The following DISC1 variants were observed in gnomAD, a reference collection of about 807,000 sequenced individuals.
DISC1 encodes disrupted in schizophrenia 1 protein.
In DISC1, 57 loss-of-function variants were observed where a neutral mutation model predicts 84.5. The ratio of observed to expected loss-of-function variants is 0.67; its 90% CI spans 0.55 to 0.84. DISC1 has a LOEUF of 0.84. Ranked by LOEUF, DISC1 falls within the 40% of genes least tolerant of loss-of-function variation. The probability of loss-of-function intolerance (pLI) is 0.00; values close to 1 mark genes in which losing one functional copy is unlikely to be tolerated. For synonymous variants in DISC1, 411 were observed against 415.2 expected (o/e 0.99, Z 0.12); for missense variants, 1,000 against 1,057.8 (o/e 0.95, Z 0.76).
At chr1:231,722,427 C>G (rs753239660) in intron 3 of DISC1, 1 of 1,532,486 alleles carries the variant, frequency 6.5e-7, no homozygotes, top group Middle Eastern at 1.7e-4. Flanking sequence ...TATCCACACT[C>G]GAACAAGTGT....
intron 10 of DISC1, among the ~76,000 whole-genome samples, chr1:232,004,503 G>A (rs1367893290): frequency 2.0e-5 from 3 of 151,844 alleles, no homozygotes; most frequent in Admixed American, 2.0e-4. Context: ...TATTAAAATG[G>A]CAGAAGAATA....
At chr1:231,707,989 A>G (rs2067299639) in intron 3 of DISC1, among the ~76,000 whole-genome samples, 1 of 152,240 alleles carries the variant, frequency 6.6e-6, no homozygotes. Flanking sequence ...GTGTCATGTT[A>G]GTTGCATCAT....
intron 9 of DISC1, among the ~76,000 whole-genome samples, chr1:231,932,431 A>G (rs1572147541): frequency 6.6e-6 from 1 of 152,302 alleles, no homozygotes; most frequent in Admixed American, 6.5e-5. Context: ...TGGACCCTGT[A>G]TATTTAGTAT....
At chr1:231,648,565 G>T (rs2060335766) in intron 1 of DISC1, among the ~76,000 whole-genome samples, 1 of 152,156 alleles carries the variant, frequency 6.6e-6, no homozygotes, top group Non-Finnish European at 1.5e-5. Context: ...GATGATGCTG[G>T]CCTCATAAAA....
chr1:231,878,231 G>C (rs976139803), intron 9 of DISC1, among the ~76,000 whole-genome samples: 1 of 152,150 alleles, frequency 6.6e-6, no homozygotes, highest in Non-Finnish European at 1.5e-5. Flanking sequence ...TTAAAACAAA[G>C]ACACAGACAG....
intron 9 of DISC1, among the ~76,000 whole-genome samples, chr1:231,870,755 T>A (rs1485798454): frequency 6.6e-6 from 1 of 152,264 alleles, no homozygotes; most frequent in Non-Finnish European, 1.5e-5. Context: ...ACTCTGTTTT[T>A]AGAGATTAGC....
intron 4 of DISC1, among the ~76,000 whole-genome samples, chr1:231,753,065 C>T (rs969370545): frequency 6.6e-6 from 1 of 152,238 alleles, no homozygotes; most frequent in Non-Finnish European, 1.5e-5. Context: ...TGCAGCTTTT[C>T]CATGCTGAGG....
intron 1 of DISC1, among the ~76,000 whole-genome samples, chr1:231,664,031 C>CGTCT (rs1302518578): frequency 4.7e-5 from 6 of 127,054 alleles, no homozygotes; most frequent in Non-Finnish European, 8.3e-5. Flanking sequence ...TCTATCTATC[C>CGTCT]ATCTATCTAT....
At chr1:231,895,628 T>TA (rs2126014599) in intron 9 of DISC1, among the ~76,000 whole-genome samples, 1 of 152,040 alleles carries the variant, frequency 6.6e-6, no homozygotes, top group East Asian at 1.9e-4. Context: ...TGCTAGATTT[T>TA]TTTTTTTACT....
At chr1:231,752,062 G>C (rs1038665023) in intron 4 of DISC1, among the ~76,000 whole-genome samples, 7 of 152,182 alleles carry the variant, frequency 4.6e-5, no homozygotes, top group African/African-American at 1.7e-4. Context: ...AAACCCAACT[G>C]TCTGGCTTGC....
intron 1 of DISC1, among the ~76,000 whole-genome samples, chr1:231,656,222 T>C (rs1479806665): frequency 1.3e-5 from 2 of 152,186 alleles, no homozygotes; most frequent in African/African-American, 4.8e-5. Flanking sequence ...TTTCAAGTCT[T>C]AGATTTAAGT....
chr1:231,812,948 T>C (rs1435575804), intron 8 of DISC1, among the ~76,000 whole-genome samples: 1 of 152,204 alleles, frequency 6.6e-6, no homozygotes, highest in East Asian at 1.9e-4. Flanking sequence ...TTGATATGAA[T>C]GGTCTCTTTG....
chr1:231,662,932 T>A (rs928456105), intron 1 of DISC1, among the ~76,000 whole-genome samples: 1 of 151,874 alleles, frequency 6.6e-6, no homozygotes, highest in African/African-American at 2.4e-5. Flanking sequence ...GGAGGCAAAA[T>A]GGCAAAAGTA....
At chr1:231,947,006 A>G (rs1435118435) in intron 9 of DISC1, among the ~76,000 whole-genome samples, 1 of 152,248 alleles carries the variant, frequency 6.6e-6, no homozygotes, top group Non-Finnish European at 1.5e-5. Flanking sequence ...GGAAGAAGCA[A>G]TATCATCAAA....
At chr1:231,837,369 G>A (rs919782923) in intron 9 of DISC1, among the ~76,000 whole-genome samples, 1 of 152,134 alleles carries the variant, frequency 6.6e-6, no homozygotes, top group African/African-American at 2.4e-5. Flanking sequence ...ATCCCAAAGT[G>A]TAGCTGTTTA....
intron 1 of DISC1, among the ~76,000 whole-genome samples, chr1:231,663,259 G>T (rs1207587144): frequency 1.3e-5 from 2 of 152,162 alleles, no homozygotes; most frequent in Non-Finnish European, 2.9e-5. Flanking sequence ...AATTTACCTA[G>T]AAGATACAAC....
rs367921076 is a variant in DISC1, at chr1:231,913,540, G to A, written c.1982-45288G>A. Among the ~76,000 whole-genome samples, 21 of 152,300 alleles carry A rather than the reference G, an allele frequency of 1.4e-4. No individual in the cohort carries two copies. In the South Asian group the frequency reaches 2.3e-3, roughly 17 times the overall value. Reference sequence around the variant, plus strand: ...CCTGGGCTGCACCATTTAAGCAGGCGTCACTCTCAGGGTTGTGGAAATGCG... The same window carrying A: ...CCTGGGCTGCACCATTTAAGCAGGCATCACTCTCAGGGTTGTGGAAATGCG... On this transcript the variant is annotated intron_variant, in intron 9 of 12. Transcript: ENST00000439617.
At chr1:231,922,157 C>T (rs933536835) in intron 9 of DISC1, among the ~76,000 whole-genome samples, 7 of 152,114 alleles carry the variant, frequency 4.6e-5, no homozygotes, top group Admixed American at 1.3e-4. Flanking sequence ...TTTCCTCATC[C>T]GTGACTAAAG....
At chr1:231,721,173 A>G in intron 3 of DISC1, 1 of 1,143,582 alleles carries the variant, frequency 8.7e-7, no homozygotes, top group Non-Finnish European at 1.1e-6. Flanking sequence ...CAGAGGAAAT[A>G]ATACATATAA....
Sources: gnomAD v4.1 joint callset for allele counts (sites outside exome capture counted in the v4.1 genomes callset) on GRCh38, gnomAD v4.1.1 for gene constraint, MANE v1.5 for transcripts, NCBI Gene and HGNC (gene_info 2026-07-23, HGNC 2026-07-21) for gene names.